The following FGF4 variants were observed in gnomAD, a reference collection of about 807,000 sequenced individuals.
FGF4 encodes the protein fibroblast growth factor 4.
Under a neutral mutation model 15.7 loss-of-function variants are expected in FGF4, and 9 were observed. That is an observed-to-expected ratio of 0.57 (90% confidence interval 0.35 to 1.00). FGF4 has a LOEUF of 1.00. FGF4 is among the 50% of genes least tolerant of loss of function. FGF4 has a pLI of 0.02. For missense variants in FGF4, 286 were observed against 297.3 expected (o/e 0.96, Z 0.28); for synonymous variants, 164 against 144.8 (o/e 1.13, Z -0.95).
In FGF4 at chr11:69,772,126, TG is replaced by T. The variant is rs1855578623; in HGVS notation, c.*1182del. 6.6e-6 allele frequency: 1 copy of T among 152,338 alleles called. No individual in the cohort carries two copies. 9.4% of individuals were successfully genotyped at this position (152,338 alleles called of 1,614,324 possible). ...TAGCTCAAACGTGACAAGGTTCGAA[TG>T]GGACGCACCGACGCTATCTGCAATC... On this transcript the variant is annotated 3_prime_UTR_variant, in exon 3 of 3. Transcript: ENST00000168712.
At chr11:69,774,207 C>T in intron 1 of FGF4, 80 bp from the exon 2 acceptor site, 1 of 1,197,634 alleles carries the variant, frequency 8.3e-7, no homozygotes, top group Non-Finnish European at 1.2e-6. Flanking sequence ...CTCCGGGGAC[C>T]CTATTTCTGG....
At position 69,772,429 on chromosome 11, in the gene FGF4, G is replaced by C. The variant is rs1855583206; in HGVS notation, c.*880C>G. ...AGCCCGTTTTGGGGGTGGGGCGGGG[G>C]GTTCGATGGTTTGTTTTCAAAAACA... is the stretch of plus-strand genomic sequence containing the variant. On this transcript the variant is annotated 3_prime_UTR_variant, in exon 3 of 3. Transcript: ENST00000168712. The C allele has an allele frequency of 6.6e-6, 1 of 152,182 alleles. No homozygotes were observed. Among genetic ancestry groups the C allele is most frequent in the Non-Finnish European group, 1.5e-5 (1 of 68,036 alleles). The allele number at this position is 152,182 out of a possible 1,614,324, so 9.4% of individuals were successfully genotyped here. A position where few individuals can be genotyped will look rare whatever the true frequency, so the allele number is the denominator to read the frequency against.
Position 69,773,007 on chromosome 11 carries a change from A to T in FGF4, c.*302T>A, listed in dbSNP as rs1228532916. 1 of 347,044 alleles carries T rather than the reference A, an allele frequency of 2.9e-6. No individual in the cohort carries two copies. Among genetic ancestry groups the T allele is most frequent in the East Asian group, 4.7e-5 (1 of 21,394 alleles). 21.5% of individuals were successfully genotyped at this position (347,044 alleles called of 1,614,324 possible). A position where few individuals can be genotyped will look rare whatever the true frequency, so the allele number is the denominator to read the frequency against. On this transcript the variant is annotated 3_prime_UTR_variant, in exon 3 of 3. Transcript: ENST00000168712. ...ACCTTTTTTTAAAACACAGAATAGC[A>T]GCACACTCGTGACAACTTTTGACAA... is the stretch of plus-strand genomic sequence containing the variant.
chr11:69,773,605 C>T, intron 2 of FGF4, 120 bp from the exon 3 acceptor site: 1 of 905,832 alleles, frequency 1.1e-6, no homozygotes, highest in Non-Finnish European at 1.7e-6. Context: ...GATGTCTCTG[C>T]TGAGCAGTTA....
chr11:69,774,794 C>G lies in FGF4; in HGVS notation c.291G>C (p.Gln97His), dbSNP rs2119832122. The G allele has an allele frequency of 6.6e-7, 1 of 1,525,400 alleles. No individual in the cohort carries two copies. The highest frequency in any genetic ancestry group is 8.7e-7 in the Non-Finnish European group (1 of 1,147,262). 94.5% of individuals were successfully genotyped at this position (1,525,400 alleles called of 1,614,324 possible). A position where few individuals can be genotyped will look rare whatever the true frequency, so the allele number is the denominator to read the frequency against. ...CGCCGATGCGGCCGTCGGGGAGCGC[C>G]TGGAGGTGGAAGCCGATGCCCACGT... ...YCNVGIGFHL[Q>H]ALPDGRIGGA... The change falls in exon 1 of 3, where the codon CAG (glutamine) becomes CAC (histidine). Residue 97 changes from glutamine (Q) to histidine (H), a missense_variant. Transcript: ENST00000168712.
intron 1 of FGF4, among the ~76,000 whole-genome samples, chr11:69,774,487 G>C (rs902128176): frequency 4.4e-4 from 67 of 152,224 alleles, no homozygotes; most frequent in Non-Finnish European, 8.7e-4. Context: ...GGGCGAAGGC[G>C]CTGGAATTCG....
Position 69,771,691 on chromosome 11 carries a change from A to C in FGF4, c.*1618T>G, listed in dbSNP as rs1250421979. On this transcript the variant is annotated 3_prime_UTR_variant, in exon 3 of 3. Transcript: ENST00000168712. ...TTAAGTCGATGATTTGCATTCGAAC[A>C]AAGAGTTTTCAAAAGGAATGTGAAA... 1.3e-5 allele frequency: 2 copies of C among 152,244 alleles called. No homozygotes were observed. The highest frequency in any genetic ancestry group is 4.8e-5 in the African/African-American group (2 of 41,466). The allele number at this position is 152,244 out of a possible 1,614,324, so 9.4% of individuals were successfully genotyped here.
intron 2 of FGF4, 124 bp from the exon 3 acceptor site, chr11:69,773,609 G>A: frequency 1.1e-6 from 1 of 921,044 alleles, no homozygotes. Context: ...TCTCTGCTGA[G>A]CAGTTAAGGT....
rs1855591289 is a variant in FGF4 at position 69,773,090 on chromosome 11, T to C, written c.*219A>G. ...GTTGCACCAGAAAAGTCAGAGTTGG[T>C]TTTTTGTTTTGTCTTTTTTTCCCCC... On this transcript the variant is annotated 3_prime_UTR_variant, in exon 3 of 3. Coordinates refer to ENST00000168712, the MANE Select transcript of FGF4 (RefSeq NM_002007.4). 1 of 478,364 alleles carries C rather than the reference T, an allele frequency of 2.1e-6. No individual in the cohort carries two copies. The highest frequency in any genetic ancestry group is 3.2e-5 in the East Asian group (1 of 31,040). The allele number at this position is 478,364 out of a possible 1,614,324, so 29.6% of individuals were successfully genotyped here. A position where few individuals can be genotyped will look rare whatever the true frequency, so the allele number is the denominator to read the frequency against.
rs1855626658 is a variant in FGF4, at chr11:69,775,150, C to G, written c.-66G>C. 5.7e-6 allele frequency: 6 copies of G among 1,060,666 alleles called. No individual in the cohort carries two copies. The highest frequency in any genetic ancestry group is 7.3e-6 in the Non-Finnish European group (6 of 826,256). 65.7% of individuals were successfully genotyped at this position (1,060,666 alleles called of 1,614,324 possible). On this transcript the variant is annotated 5_prime_UTR_variant, in exon 1 of 3. Coordinates refer to ENST00000168712, the MANE Select transcript of FGF4 (RefSeq NM_002007.4). Reference sequence around the variant, plus strand: ...CCCGGGAAGCTGGGGGGCAGAGCTGCGCCTGTGGCGTCCCGCGGGAGCGCA... The same window carrying G: ...CCCGGGAAGCTGGGGGGCAGAGCTGGGCCTGTGGCGTCCCGCGGGAGCGCA...
Position 69,772,879 on chromosome 11 carries a change from A to G in FGF4, c.*430T>C, listed in dbSNP as rs115708323. ...CTCTGAGGATGCTAGCCGAGAGCCA[A>G]GCCTGGGAGCTCCCTGAACTGGCTG... On this transcript the variant is annotated 3_prime_UTR_variant, in exon 3 of 3. Transcript: ENST00000168712. 521 of 197,744 alleles carry G rather than the reference A, an allele frequency of 2.6e-3. 1 individual carries two copies. The highest frequency in any genetic ancestry group is 0.012 in the African/African-American group (494 of 42,828). The allele number at this position is 197,744 out of a possible 1,614,324, so 12.2% of individuals were successfully genotyped here.
intron 1 of FGF4, 22 bp from the exon 2 acceptor site, chr11:69,774,149 T>C (rs1476478765): frequency 1.9e-6 from 3 of 1,591,206 alleles, no homozygotes; most frequent in Non-Finnish European, 2.6e-6. Flanking sequence ...GCGCAGGTCA[T>C]TGCGGGGCAG....
Position 69,771,218 on chromosome 11 carries a change from G to A in FGF4, c.*2091C>T, listed in dbSNP as rs573308661. The A allele has an allele frequency of 6.6e-6, 1 of 152,252 alleles. No homozygotes were observed. The highest frequency in any genetic ancestry group is 2.4e-5 in the African/African-American group (1 of 41,538). The allele number at this position is 152,252 out of a possible 1,614,324, so 9.4% of individuals were successfully genotyped here. ...AAACAGTGGCACATACAGGAACCTC[G>A]AATCCCCATCACAGCAATATGAAAA... On this transcript the variant is annotated 3_prime_UTR_variant, in exon 3 of 3. Coordinates refer to ENST00000168712, the MANE Select transcript of FGF4 (RefSeq NM_002007.4).
At chr11:69,774,234 A>G (rs1173237505) in intron 1 of FGF4, 107 bp from the exon 2 acceptor site, 2 of 934,660 alleles carry the variant, frequency 2.1e-6, no homozygotes, top group Non-Finnish European at 3.2e-6. Flanking sequence ...GTTGGGGATA[A>G]AGGGCCAGGG....
chr11:69,774,047 T>G lies in FGF4; in HGVS notation c.421A>C (p.Ser141Arg). The G allele has an allele frequency of 6.2e-7, 1 of 1,613,158 alleles. No individual in the cohort carries two copies. Among genetic ancestry groups the G allele is most frequent in the South Asian group, 1.1e-5 (1 of 91,046 alleles). The stretch of plus-strand genomic sequence containing the variant: ...ACCGAGCCATAGAGCTTGCCCTTGC[T>G]GCTCATGGCCACGAAGAACCGGCTG... ...VASRFFVAMS[S>R]KGKLYGSPFF... The change falls in exon 2 of 3, where the codon AGC becomes CGC. Residue 141 changes from serine to arginine, a missense_variant. Transcript: ENST00000168712.
In FGF4 at chr11:69,775,202, A is replaced by G. The variant is rs1445069797; in HGVS notation, c.-118T>C. ...GGCCGACCTCGGGCAGGAGTGCGCA[A>G]CCGAGGAGGTGCGGGAGGCAAGCGA... On this transcript the variant is annotated 5_prime_UTR_variant, in exon 1 of 3. Transcript: ENST00000168712. The G allele has an allele frequency of 1.1e-5, 7 of 632,606 alleles. No homozygotes were observed. The highest frequency in any genetic ancestry group is 9.8e-4 in the Middle Eastern group (2 of 2,038). The allele number at this position is 632,606 out of a possible 1,614,324, so 39.2% of individuals were successfully genotyped here. A position where few individuals can be genotyped will look rare whatever the true frequency, so the allele number is the denominator to read the frequency against.
chr11:69,774,025 G>T lies in FGF4; in HGVS notation c.443C>A (p.Ser148Ter), dbSNP rs1855607754. The T allele has an allele frequency of 6.2e-7, 1 of 1,611,496 alleles. No homozygotes were observed. The highest frequency in any genetic ancestry group is 8.5e-7 in the Non-Finnish European group (1 of 1,179,086). The change falls in exon 2 of 3, where the codon TCG becomes TAG. Residue 148 changes from serine (S) to a stop codon, truncating the protein, a stop_gained and splice_region_variant. Coordinates refer to ENST00000168712, the MANE Select transcript of FGF4 (RefSeq NM_002007.4). LOFTEE classifies it high-confidence loss of function. ...TAGCCAGACCCCTGCGGTACTCACCGAGCCATAGAGCTTGCCCTTGCTGCT... is the reference window on the plus strand; with the variant it reads ...TAGCCAGACCCCTGCGGTACTCACCTAGCCATAGAGCTTGCCCTTGCTGCT... ...AMSSKGKLYGSPFFTDECTFK... is the reference protein window; with the variant it reads ...AMSSKGKLYG
intron 2 of FGF4, 79 bp downstream of exon 2, chr11:69,773,945 G>T: frequency 8.4e-7 from 1 of 1,195,176 alleles, no homozygotes; most frequent in South Asian, 1.4e-5. Context: ...GGCACAGGTG[G>T]GGCTGGAGAA....
chr11:69,773,971 G>T, intron 2 of FGF4, 53 bp downstream of exon 2: 1 of 1,444,096 alleles, frequency 6.9e-7, no homozygotes, highest in Non-Finnish European at 9.6e-7. Flanking sequence ...GAGCCTGCTA[G>T]CCATGTCCGC....
Sources: gnomAD v4.1 joint callset for allele counts (sites outside exome capture counted in the v4.1 genomes callset) on GRCh38, gnomAD v4.1.1 for gene constraint, MANE v1.5 for transcripts, NCBI Gene and HGNC (gene_info 2026-07-23, HGNC 2026-07-21) for gene names.